UBE2H: variants seen among roughly 807,000 people sequenced by gnomAD.
The protein encoded by UBE2H is ubiquitin-conjugating enzyme E2 H.
UBE2H carries 3 observed loss-of-function variants against 29.0 expected under a neutral mutation model. The ratio of observed to expected loss-of-function variants is 0.10; its 90% confidence interval spans 0.05 to 0.27. UBE2H has a LOEUF of 0.27. Among genes scored for constraint, UBE2H ranks in the 10% least tolerant of loss-of-function variants. The probability of loss-of-function intolerance (pLI) is 1.00; values close to 1 mark genes in which losing one functional copy is unlikely to be tolerated. For synonymous variants in UBE2H, 69 were observed against 82.9 expected, an observed-to-expected ratio of 0.83 and a Z score of 0.91; for missense variants, 68 against 228.2, an observed-to-expected ratio of 0.30 and a Z score of 4.52.
chr7:129,905,989 GT>G (rs1205608959), intron 1 of UBE2H, among the ~76,000 whole-genome samples: 1 of 151,908 alleles, frequency 6.6e-6, no homozygotes, highest in East Asian at 1.9e-4. Context: ...TTATACAGAT[GT>G]TCCATTTAGG....
intron 3 of UBE2H, among the ~76,000 whole-genome samples, chr7:129,877,820 T>C (rs1271511729): frequency 6.7e-6 from 1 of 148,810 alleles, no homozygotes; most frequent in Non-Finnish European, 1.5e-5. Context: ...CTAGAAAAAA[T>C]ACATTAAGGT....
chr7:129,870,123 C>T (rs1805998805), intron 3 of UBE2H, among the ~76,000 whole-genome samples: 1 of 152,142 alleles, frequency 6.6e-6, no homozygotes, highest in African/African-American at 2.4e-5. Context: ...CATACTCTTT[C>T]TCCCTGCCTC....
intron 5 of UBE2H, among the ~76,000 whole-genome samples, chr7:129,850,556 G>A (rs56408895): frequency 0.062 from 9,423 of 152,212 alleles, 365 homozygotes; most frequent in Non-Finnish European, 0.091. Flanking sequence ...GGTGGCACAC[G>A]CCTGTAATCC....
chr7:129,930,460 G>A (rs908646257), intron 1 of UBE2H, among the ~76,000 whole-genome samples: 50 of 151,006 alleles, frequency 3.3e-4, no homozygotes, highest in African/African-American at 1.1e-3. Context: ...CACCTCATGC[G>A]GTCTACATTC....
In UBE2H at chr7:129,925,132, G is replaced by A. The variant is rs190555254; in HGVS notation, c.53+27371C>T. Among the ~76,000 whole-genome samples, 499 of 152,006 alleles carry A rather than the reference G, an allele frequency of 3.3e-3. 2 individuals are homozygous for A. Among genetic ancestry groups the A allele is most frequent in the African/African-American group, 0.011 (468 of 41,450 alleles). Reference sequence around the variant, plus strand: ...TGGGAGGCCAAGGTGGGTGGATCACGAGGTCAGGAGTTCAAGACCAGCCTG... The same window carrying A: ...TGGGAGGCCAAGGTGGGTGGATCACAAGGTCAGGAGTTCAAGACCAGCCTG... On this transcript the variant is annotated intron_variant, in intron 1 of 6. Coordinates refer to ENST00000355621, the MANE Select transcript of UBE2H (RefSeq NM_003344.4).
At chr7:129,837,356 G>A (rs926813233) in intron 6 of UBE2H, among the ~76,000 whole-genome samples, 11 of 152,210 alleles carry the variant, frequency 7.2e-5, no homozygotes, top group African/African-American at 2.7e-4. Context: ...CCAGAAAGAT[G>A]AGGGTAAAAT....
chr7:129,856,945 C>T (rs1346543572), intron 5 of UBE2H: 1 of 152,186 alleles, frequency 6.6e-6, no homozygotes, highest in African/African-American at 2.4e-5. Flanking sequence ...AGGCCTGATG[C>T]TCTTTATAAC....
intron 5 of UBE2H, among the ~76,000 whole-genome samples, chr7:129,847,616 C>T (rs963656366): frequency 3.9e-5 from 6 of 152,192 alleles, no homozygotes; most frequent in Admixed American, 2.0e-4. Flanking sequence ...GCTGGGATTA[C>T]AGGCGTGAGC....
intron 1 of UBE2H, among the ~76,000 whole-genome samples, chr7:129,889,264 C>T (rs1229063614): frequency 6.6e-6 from 1 of 152,100 alleles, no homozygotes; most frequent in Non-Finnish European, 1.5e-5. Flanking sequence ...AGAGTTAAAG[C>T]AAAAGAGTAG....
chr7:129,930,685 G>T (rs1584793383), intron 1 of UBE2H, among the ~76,000 whole-genome samples: 2 of 151,502 alleles, frequency 1.3e-5, no homozygotes, highest in East Asian at 3.9e-4. Flanking sequence ...GAGGCGGGTG[G>T]ATCACGAGGT....
chr7:129,884,430 A>AG (rs1355865517), intron 1 of UBE2H, among the ~76,000 whole-genome samples: 1 of 151,944 alleles, frequency 6.6e-6, no homozygotes, highest in East Asian at 1.9e-4. Flanking sequence ...AAAAAAAAAA[A>AG]AAAATTTCTC....
chr7:129,855,832 G>A (rs1177959200), intron 5 of UBE2H, among the ~76,000 whole-genome samples: 1 of 152,210 alleles, frequency 6.6e-6, no homozygotes, highest in East Asian at 1.9e-4. Flanking sequence ...AGGAGCTCAA[G>A]GCTGCAGTGA....
intron 3 of UBE2H, among the ~76,000 whole-genome samples, chr7:129,871,800 T>C (rs1050005771): frequency 1.3e-5 from 2 of 152,118 alleles, no homozygotes; most frequent in Non-Finnish European, 2.9e-5. Context: ...CCACGGTTAT[T>C]AGAGAAGTAC....
In UBE2H at chr7:129,831,254, G is replaced by A. The variant is rs1270788118; in HGVS notation, c.*3683C>T. On this transcript the variant is annotated 3_prime_UTR_variant, in exon 7 of 7. Coordinates refer to ENST00000355621, the MANE Select transcript of UBE2H (RefSeq NM_003344.4). ...AGAGATAGATGATTTCATTCAACAA[G>A]GCTGGAAGCCCAGTTGGGAAGTCGA... 3 of 152,212 alleles carry A rather than the reference G, an allele frequency of 2.0e-5. No individual in the cohort carries two copies. Among genetic ancestry groups the A allele is most frequent in the South Asian group, 4.1e-4 (2 of 4,836 alleles). The allele number at this position is 152,212 out of a possible 1,614,324, so 9.4% of individuals were successfully genotyped here. A position where few individuals can be genotyped will look rare whatever the true frequency, so the allele number is the denominator to read the frequency against.
Position 129,834,622 on chromosome 7 carries a change from C to G in UBE2H, c.*315G>C. The G allele has an allele frequency of 5.3e-6, 1 of 189,450 alleles. No individual in the cohort carries two copies. The highest frequency in any genetic ancestry group is 1.1e-5 in the Non-Finnish European group (1 of 92,794). The allele number at this position is 189,450 out of a possible 1,614,324, so 11.7% of individuals were successfully genotyped here. Reference sequence around the variant, plus strand: ...TCCTGTTCTTTTTACTCACATCTACCTATCAGAGCGGCTATTTCCTTCGAC... The same window carrying G: ...TCCTGTTCTTTTTACTCACATCTACGTATCAGAGCGGCTATTTCCTTCGAC... On this transcript the variant is annotated 3_prime_UTR_variant, in exon 7 of 7. Coordinates refer to ENST00000355621, the MANE Select transcript of UBE2H (RefSeq NM_003344.4).
rs191672181 is a variant in UBE2H at position 129,933,236 on chromosome 7, G to C, written c.53+19267C>G. 1.6e-3 allele frequency among the ~76,000 whole-genome samples: 232 copies of C among 149,000 alleles called. 1 individual carries two copies. Among genetic ancestry groups the C allele is most frequent in the African/African-American group, 5.3e-3 (218 of 41,242 alleles). Reference sequence around the variant, plus strand: ...CTTTTGTCACAGAATACAGGTGAAAGGTAAAAATAAACACAACATAAAGGT... The same window carrying C: ...CTTTTGTCACAGAATACAGGTGAAACGTAAAAATAAACACAACATAAAGGT... On this transcript the variant is annotated intron_variant, in intron 1 of 6. Transcript: ENST00000355621.
chr7:129,895,728 G>A (rs1356345781), intron 1 of UBE2H, among the ~76,000 whole-genome samples: 2 of 151,950 alleles, frequency 1.3e-5, no homozygotes, highest in Non-Finnish European at 2.9e-5. Context: ...GTGAAACCCC[G>A]TCTCTACTAA....
intron 1 of UBE2H, among the ~76,000 whole-genome samples, chr7:129,949,645 A>G (rs1335100478): frequency 6.6e-6 from 1 of 152,214 alleles, no homozygotes; most frequent in Non-Finnish European, 1.5e-5. Flanking sequence ...CCGTCACAAA[A>G]GAAATATCAC....
At chr7:129,910,389 T>C (rs771762021) in intron 1 of UBE2H, among the ~76,000 whole-genome samples, 2 of 151,590 alleles carry the variant, frequency 1.3e-5, no homozygotes, top group African/African-American at 2.4e-5. Flanking sequence ...GTAGAAGAGT[T>C]AGGAAGTGTC....
Sources: allele counts gnomAD v4.1 joint callset (sites outside exome capture counted in the v4.1 genomes callset), GRCh38; gene constraint gnomAD v4.1.1; transcripts MANE v1.5; gene names NCBI Gene and HGNC (gene_info 2026-07-23, HGNC 2026-07-21).